Variants in ARB2A observed in about 807,000 individuals in gnomAD.
ARB2A encodes cotranscriptional regulator ARB2A.
the ARB2A span, among the ~76,000 whole-genome samples, chr5:94,042,877 G>A: frequency 2.6e-5 from 4 of 152,172 alleles, no homozygotes; most frequent in African/African-American, 9.6e-5. Context: ...ACAAAATTGT[G>A]TAAGATGCCT....
chr5:93,857,608 C>G, the ARB2A span, among the ~76,000 whole-genome samples: 1 of 152,150 alleles, frequency 6.6e-6, no homozygotes, highest in Non-Finnish European at 1.5e-5. Flanking sequence ...GATATAATCT[C>G]CTGGTGCGCC....
chr5:93,986,258 C>T, the ARB2A span, among the ~76,000 whole-genome samples: 133 of 151,746 alleles, frequency 8.8e-4, no homozygotes, highest in South Asian at 2.9e-3. Flanking sequence ...AGCCCCTCCA[C>T]CCAGCAGCCG....
the ARB2A span, among the ~76,000 whole-genome samples, chr5:93,627,474 C>T: frequency 8.6e-5 from 12 of 138,836 alleles, no homozygotes; most frequent in African/African-American, 3.5e-4. Flanking sequence ...GATGGAGTCT[C>T]ACTCTGTCAC....
the ARB2A span, among the ~76,000 whole-genome samples, chr5:93,799,434 T>G: frequency 6.6e-6 from 1 of 152,256 alleles, no homozygotes; most frequent in East Asian, 1.9e-4. Flanking sequence ...ATAGACATAC[T>G]ATAGCCTTCA....
the ARB2A span, among the ~76,000 whole-genome samples, chr5:93,703,870 TAAAC>T: frequency 6.6e-6 from 1 of 152,198 alleles, no homozygotes; most frequent in Non-Finnish European, 1.5e-5. Context: ...TTCAGTTTCA[TAAAC>T]ATCTACCCTC....
the ARB2A span, among the ~76,000 whole-genome samples, chr5:94,058,672 A>G: frequency 6.6e-6 from 1 of 152,228 alleles, no homozygotes; most frequent in Non-Finnish European, 1.5e-5. Flanking sequence ...GAGAAAAACA[A>G]TAGTTTAAAA....
the ARB2A span, among the ~76,000 whole-genome samples, chr5:93,886,866 A>G: frequency 1.3e-5 from 2 of 151,782 alleles, no homozygotes; most frequent in African/African-American, 4.8e-5. Context: ...TTTAACTTGT[A>G]GCTTCATGAA....
chr5:93,856,194 A>T, the ARB2A span, among the ~76,000 whole-genome samples: 12 of 152,272 alleles, frequency 7.9e-5, no homozygotes, highest in East Asian at 2.1e-3. Flanking sequence ...GGGTAACCCG[A>T]CCTTTCTCTC....
At chr5:93,767,863 G>C in the ARB2A span, among the ~76,000 whole-genome samples, 1 of 151,208 alleles carries the variant, frequency 6.6e-6, no homozygotes, top group Non-Finnish European at 1.5e-5. Flanking sequence ...GCGTGGTGGC[G>C]GGCACCTGTA....
the ARB2A span, among the ~76,000 whole-genome samples, chr5:93,853,766 A>G: frequency 3.3e-5 from 5 of 152,180 alleles, no homozygotes; most frequent in Non-Finnish European, 2.9e-5. Context: ...ACATAAATTG[A>G]TTTGCGTATA....
chr5:93,975,309 T>G, the ARB2A span, among the ~76,000 whole-genome samples: 98 of 103,588 alleles, frequency 9.5e-4, no homozygotes, highest in Non-Finnish European at 1.6e-3. Context: ...AGAGCAAGAC[T>G]CCATCTCAAA....
At chr5:93,945,368 T>C in the ARB2A span, among the ~76,000 whole-genome samples, 4 of 150,852 alleles carry the variant, frequency 2.7e-5, no homozygotes, top group Admixed American at 2.0e-4. Context: ...TGAGCTGAGA[T>C]TGCGCCACTG....
At chr5:93,819,236 T>C in the ARB2A span, among the ~76,000 whole-genome samples, 1 of 150,026 alleles carries the variant, frequency 6.7e-6, no homozygotes, top group African/African-American at 2.4e-5. Context: ...GTCAACTAAC[T>C]GTGCAGATAT....
At chr5:93,938,075 A>T in the ARB2A span, among the ~76,000 whole-genome samples, 1 of 152,184 alleles carries the variant, frequency 6.6e-6, no homozygotes. Flanking sequence ...CTTAAATTCC[A>T]CTGCTCCGTG....
At chr5:93,991,701 A>T in the ARB2A span, among the ~76,000 whole-genome samples, 2 of 152,100 alleles carry the variant, frequency 1.3e-5, no homozygotes, top group African/African-American at 4.8e-5. Context: ...AGCAAATGTG[A>T]AAATATAGCA....
At chr5:93,620,936 G>C in the ARB2A span, 1 of 1,594,460 alleles carries the variant, frequency 6.3e-7, no homozygotes, top group Non-Finnish European at 8.5e-7. Flanking sequence ...GCAGTGAGGA[G>C]GCGTGCGGGT....
chr5:94,081,934 A>C, the ARB2A span, among the ~76,000 whole-genome samples: 1 of 152,184 alleles, frequency 6.6e-6, no homozygotes, highest in Non-Finnish European at 1.5e-5. Flanking sequence ...CAGAAGCAAG[A>C]AGTAGACTTC....
chr5:93,945,050 C>T, the ARB2A span, among the ~76,000 whole-genome samples: 61 of 152,302 alleles, frequency 4.0e-4, no homozygotes, highest in African/African-American at 1.4e-3. Flanking sequence ...GCAGTTACCC[C>T]ACTCTCTAAA....
chr5:93,796,931 T>C, the ARB2A span, among the ~76,000 whole-genome samples: 4 of 152,134 alleles, frequency 2.6e-5, no homozygotes, highest in African/African-American at 9.7e-5. Flanking sequence ...AAAGACAGGA[T>C]TGAATTTAAA....
Sources: allele counts gnomAD v4.1 joint callset (sites outside exome capture counted in the v4.1 genomes callset), GRCh38; gene constraint gnomAD v4.1.1; transcripts MANE v1.5; gene names NCBI Gene and HGNC (gene_info 2026-07-23, HGNC 2026-07-21).